GALNT13: variants seen among roughly 807,000 people sequenced by gnomAD.
GALNT13 encodes UDP-GalNAc:polypeptide N-acetylgalactosaminyltransferase 13.
GALNT13 carries 28 observed loss-of-function variants against 64.2 expected under a neutral mutation model. That is an observed-to-expected ratio of 0.44 (90% CI 0.32 to 0.60). GALNT13 has a LOEUF of 0.60. Among genes scored for constraint, GALNT13 ranks in the 20% least tolerant of loss-of-function variants. The pLI is 0.05. For missense variants in GALNT13, 577 were observed against 669.8 expected (o/e 0.86, Z 1.53); for synonymous variants, 214 against 224.6 (o/e 0.95, Z 0.42).
intron 2 of GALNT13, among the ~76,000 whole-genome samples, chr2:153,923,786 C>T (rs1015056132): frequency 2.0e-5 from 3 of 147,498 alleles, no homozygotes; most frequent in African/African-American, 5.0e-5. Flanking sequence ...TGAGAACATG[C>T]GGTGTTTGTT....
the GALNT13 span, among the ~76,000 whole-genome samples, chr2:153,601,629 A>T: frequency 6.6e-6 from 1 of 151,810 alleles, no homozygotes; most frequent in South Asian, 2.1e-4. Context: ...TGTGGTTATA[A>T]ATGAAATGAA....
chr2:153,158,355 T>C, the GALNT13 span, among the ~76,000 whole-genome samples: 1 of 152,176 alleles, frequency 6.6e-6, no homozygotes, highest in Non-Finnish European at 1.5e-5. Flanking sequence ...AATAGTGAAA[T>C]TTAAGTTAAA....
chr2:153,352,092 C>T, the GALNT13 span, among the ~76,000 whole-genome samples: 1 of 152,144 alleles, frequency 6.6e-6, no homozygotes, highest in Admixed American at 6.5e-5. Flanking sequence ...AATGAGAGTT[C>T]CTGTTGTTCC....
chr2:153,842,809 C>T, the GALNT13 span, among the ~76,000 whole-genome samples: 1 of 151,936 alleles, frequency 6.6e-6, no homozygotes, highest in African/African-American at 2.4e-5. Context: ...CACATATGAA[C>T]TTTAAGATTA....
chr2:153,301,943 T>A, the GALNT13 span, among the ~76,000 whole-genome samples: 28 of 151,886 alleles, frequency 1.8e-4, no homozygotes, highest in African/African-American at 6.5e-4. Context: ...TATCTATTCC[T>A]TTGCTGATAA....
the GALNT13 span, among the ~76,000 whole-genome samples, chr2:153,396,576 A>G: frequency 6.6e-6 from 1 of 152,108 alleles, no homozygotes; most frequent in Non-Finnish European, 1.5e-5. Flanking sequence ...AGCATACATA[A>G]GCACACATAA....
the GALNT13 span, among the ~76,000 whole-genome samples, chr2:153,379,705 A>G: frequency 5.3e-5 from 8 of 152,172 alleles, no homozygotes; most frequent in Non-Finnish European, 1.2e-4. Context: ...TATTGTTTAT[A>G]GTCATACTTT....
intron 2 of GALNT13, among the ~76,000 whole-genome samples, chr2:153,924,632 C>T (rs1281359759): frequency 6.6e-6 from 1 of 152,142 alleles, no homozygotes; most frequent in Non-Finnish European, 1.5e-5. Context: ...TGAGGAATTG[C>T]CATACTGCCT....
At chr2:153,692,384 A>C in the GALNT13 span, among the ~76,000 whole-genome samples, 1 of 152,184 alleles carries the variant, frequency 6.6e-6, no homozygotes, top group East Asian at 1.9e-4. Flanking sequence ...AATCCCTGCA[A>C]ATATCATAGA....
chr2:153,621,971 T>TA, the GALNT13 span, among the ~76,000 whole-genome samples: 4 of 151,894 alleles, frequency 2.6e-5, no homozygotes, highest in Non-Finnish European at 4.4e-5. Context: ...GTTAGTTTAG[T>TA]AAAAAAATGT....
chr2:153,699,834 T>C, the GALNT13 span, among the ~76,000 whole-genome samples: 84 of 152,202 alleles, frequency 5.5e-4, no homozygotes, highest in East Asian at 0.016. Flanking sequence ...GGTTCTGAAA[T>C]TGAGGCAGTG....
chr2:154,389,363 T>G (rs1258363036), intron 9 of GALNT13, among the ~76,000 whole-genome samples: 2 of 152,188 alleles, frequency 1.3e-5, no homozygotes, highest in Non-Finnish European at 2.9e-5. Flanking sequence ...GGTGTTGAAC[T>G]CCTGGCCTCA....
At chr2:153,518,115 ACC>A in the GALNT13 span, among the ~76,000 whole-genome samples, 1,097 of 152,168 alleles carry the variant, frequency 7.2e-3, 17 homozygotes, top group African/African-American at 0.024. Context: ...TCAACTCCAG[ACC>A]CCTGTCCAAT....
At chr2:154,172,893 C>T (rs1038599515) in intron 4 of GALNT13, among the ~76,000 whole-genome samples, 3 of 151,916 alleles carry the variant, frequency 2.0e-5, no homozygotes, top group Non-Finnish European at 4.4e-5. Flanking sequence ...AATAACAATA[C>T]TACCCAAAGC....
intron 4 of GALNT13, among the ~76,000 whole-genome samples, chr2:154,179,969 G>A (rs1320960740): frequency 6.6e-5 from 10 of 152,160 alleles, no homozygotes; most frequent in Admixed American, 6.5e-4. Context: ...GACTTAGAGT[G>A]CATTTTATTA....
chr2:153,383,562 G>T, the GALNT13 span, among the ~76,000 whole-genome samples: 1 of 151,964 alleles, frequency 6.6e-6, no homozygotes, highest in African/African-American at 2.4e-5. Context: ...TTATATTGGG[G>T]TTGAAGAAAG....
At chr2:153,762,767 G>A in the GALNT13 span, 1 of 150,924 alleles carries the variant, frequency 6.6e-6, no homozygotes, top group Non-Finnish European at 1.5e-5. Context: ...GGAAAGTTCG[G>A]CCCGGTGAAC....
the GALNT13 span, among the ~76,000 whole-genome samples, chr2:153,359,115 CTT>C: frequency 9.2e-5 from 14 of 152,076 alleles, no homozygotes; most frequent in African/African-American, 3.4e-4. Flanking sequence ...TGAAAAAACA[CTT>C]GATTTCTTTA....
the GALNT13 span, among the ~76,000 whole-genome samples, chr2:153,224,123 A>C: frequency 6.6e-6 from 1 of 152,240 alleles, no homozygotes. Flanking sequence ...AGAGCAATTT[A>C]AGCCAAAAGT....
Sources: gnomAD v4.1 joint callset for allele counts (sites outside exome capture counted in the v4.1 genomes callset) on GRCh38, gnomAD v4.1.1 for gene constraint, MANE v1.5 for transcripts, NCBI Gene and HGNC (gene_info 2026-07-23, HGNC 2026-07-21) for gene names.